LHX4: variants seen among roughly 807,000 people sequenced by gnomAD.
LHX4 encodes the protein LIM/homeobox protein Lhx4.
Under a neutral mutation model 39.2 loss-of-function variants are expected in LHX4, and 16 were observed. The observed-to-expected ratio is 0.41, with a 90% CI of 0.28 to 0.62. LHX4 has a LOEUF of 0.62. LHX4 is among the 20% of genes least tolerant of loss of function. The pLI is 0.33. For missense variants in LHX4, 439 were observed against 511.9 expected (o/e 0.86, Z 1.37); for synonymous variants, 206 against 198.1 (o/e 1.04, Z -0.33).
At chr1:180,236,070 G>T (rs779600062) in intron 1 of LHX4, among the ~76,000 whole-genome samples, 1 of 152,124 alleles carries the variant, frequency 6.6e-6, no homozygotes, top group Non-Finnish European at 1.5e-5. Context: ...AAAAACAAAG[G>T]GGGGTTAAGG....
At position 180,278,002 on chromosome 1, in the gene LHX4, G is replaced by A. The variant is rs1006695596; in HGVS notation, c.*3423G>A. The A allele has an allele frequency of 4.6e-5, 7 of 152,208 alleles. No homozygotes were observed. Among genetic ancestry groups the A allele is most frequent in the Admixed American group, 4.6e-4 (7 of 15,286 alleles). The allele number at this position is 152,208 out of a possible 1,614,324, so 9.4% of individuals were successfully genotyped here. On this transcript the variant is annotated 3_prime_UTR_variant, in exon 6 of 6. Transcript: ENST00000263726. ...AACAAAAGACATTCCTATCTCAGAA[G>A]CTCAAACTGGTGATTTCCAACTGCC...
intron 5 of LHX4, chr1:180,273,291 A>G (rs145551067): frequency 0.018 from 2,790 of 152,484 alleles, 30 homozygotes; most frequent in Non-Finnish European, 0.025. Context: ...CTCTGAGAAC[A>G]CAGGGCCCGT....
chr1:180,234,214 T>C lies in LHX4; in HGVS notation c.76+3609T>C, dbSNP rs1202463277. ...ATATATATATATATATATATATATATATATATAATAGATTGAGATTCTATC... is the reference window on the plus strand; with the variant it reads ...ATATATATATATATATATATATATACATATATAATAGATTGAGATTCTATC... On this transcript the variant is annotated intron_variant, in intron 1 of 5. Coordinates refer to ENST00000263726, the MANE Select transcript of LHX4 (RefSeq NM_033343.4). The surrounding 1 kb of genome is among the most constrained non-coding windows in gnomAD (Gnocchi z 4.8). 1.3e-5 allele frequency among the ~76,000 whole-genome samples: 1 copy of C among 74,474 alleles called. No individual in the cohort carries two copies. Among genetic ancestry groups the C allele is most frequent in the Non-Finnish European group, 2.5e-5 (1 of 40,290 alleles). The allele number at this position is 74,474 out of a possible 152,430, so 48.9% of individuals were successfully genotyped here. A position where few individuals can be genotyped will look rare whatever the true frequency, so the allele number is the denominator to read the frequency against.
At chr1:180,233,928 C>G (rs1664240912) in intron 1 of LHX4, among the ~76,000 whole-genome samples, 1 of 151,644 alleles carries the variant, frequency 6.6e-6, no homozygotes, top group Non-Finnish European at 1.5e-5. Context: ...AAGGTTTTCC[C>G]TGGGACTTCC....
intron 1 of LHX4, among the ~76,000 whole-genome samples, chr1:180,236,659 A>G (rs1174270482): frequency 2.6e-5 from 4 of 152,126 alleles, no homozygotes; most frequent in African/African-American, 9.7e-5. Flanking sequence ...TCCTCTTCCT[A>G]TTGAAGAGTT....
At chr1:180,241,392 A>G (rs911762813) in intron 1 of LHX4, among the ~76,000 whole-genome samples, 13 of 152,178 alleles carry the variant, frequency 8.5e-5, no homozygotes, top group African/African-American at 2.9e-4. Context: ...GTATATTGGG[A>G]AATAATGAAG....
At chr1:180,267,720 AAATT>A (rs1229987366) in intron 3 of LHX4, among the ~76,000 whole-genome samples, 2 of 152,238 alleles carry the variant, frequency 1.3e-5, no homozygotes, top group African/African-American at 4.8e-5. Context: ...ATGAGAAAAA[AAATT>A]AACAACAATT....
At chr1:180,244,410 C>T (rs12134787) in intron 1 of LHX4, among the ~76,000 whole-genome samples, 27,916 of 152,012 alleles carry the variant, frequency 0.18, 2,669 homozygotes, top group African/African-American at 0.21. Flanking sequence ...TTCCTCCAAG[C>T]TCGAGGCTGA....
In LHX4 at chr1:180,234,174, T is replaced by TA. The variant is rs1489766386; in HGVS notation, c.76+3570dup. ...ACACACACAACACACACAAATTATA[T>TA]ATATATATATATATATATATATATA... On this transcript the variant is annotated intron_variant, in intron 1 of 5. Transcript: ENST00000263726. The surrounding 1 kb of genome is among the most constrained non-coding windows in gnomAD (Gnocchi z 4.8). Among the ~76,000 whole-genome samples, 1 of 10,866 alleles carries TA rather than the reference T, an allele frequency of 9.2e-5. No individual in the cohort carries two copies. Among genetic ancestry groups the TA allele is most frequent in the East Asian group, 2.6e-3 (1 of 384 alleles). 7.1% of individuals were successfully genotyped at this position (10,866 alleles called of 152,430 possible). A position where few individuals can be genotyped will look rare whatever the true frequency, so the allele number is the denominator to read the frequency against.
At position 180,247,421 on chromosome 1, in the gene LHX4, T is replaced by G. The variant is rs143284196; in HGVS notation, c.77-864T>G. 8.3e-3 allele frequency among the ~76,000 whole-genome samples: 1,271 copies of G among 152,276 alleles called. 21 individuals carry two copies. Among genetic ancestry groups the G allele is most frequent in the African/African-American group, 0.03 (1,229 of 41,552 alleles). ...CCAGGATAACTCTCAGCCCCCAGAATTTCACTGCTTCTGCTGTGACTGATC... is the reference window on the plus strand; with the variant it reads ...CCAGGATAACTCTCAGCCCCCAGAAGTTCACTGCTTCTGCTGTGACTGATC... On this transcript the variant is annotated intron_variant, in intron 1 of 5. Coordinates refer to ENST00000263726, the MANE Select transcript of LHX4 (RefSeq NM_033343.4).
intron 2 of LHX4, among the ~76,000 whole-genome samples, chr1:180,258,699 G>C (rs1424870436): frequency 2.0e-5 from 3 of 152,168 alleles, no homozygotes; most frequent in African/African-American, 7.2e-5. Flanking sequence ...ACCTACGCAG[G>C]AGGCTGAGGC....
upstream of LHX4, among the ~76,000 whole-genome samples, chr1:180,229,716 C>A (rs999081899): frequency 2.0e-5 from 3 of 151,836 alleles, no homozygotes; most frequent in Non-Finnish European, 4.4e-5. Flanking sequence ...GAAGACACAG[C>A]GACGCAGCCC....
intron 5 of LHX4, chr1:180,273,602 T>C: frequency 6.5e-6 from 1 of 152,696 alleles, no homozygotes; most frequent in Non-Finnish European, 1.5e-5. Context: ...TCATTTGCCT[T>C]AATCAAGTCA....
At chr1:180,268,865 G>A (rs1648453252) in intron 3 of LHX4, among the ~76,000 whole-genome samples, 2 of 152,246 alleles carry the variant, frequency 1.3e-5, no homozygotes, top group Admixed American at 1.3e-4. Context: ...AGAATGCCTG[G>A]CTGTCTTTTC....
intron 1 of LHX4, among the ~76,000 whole-genome samples, chr1:180,246,281 C>T (rs1380330779): frequency 6.6e-6 from 1 of 152,124 alleles, no homozygotes; most frequent in Non-Finnish European, 1.5e-5. Context: ...TAAGTACAAA[C>T]GTCTTAATAG....
rs560294210 is a variant in LHX4, at chr1:180,259,949, G to A, written c.249-6443G>A. Among the ~76,000 whole-genome samples, 73 of 151,718 alleles carry A rather than the reference G, an allele frequency of 4.8e-4. 1 individual carries two copies. The highest frequency in any genetic ancestry group is 8.3e-4 in the South Asian group (4 of 4,824). ...AACAACAAGGTCTGGGGGAGTGAGC[G>A]GTGGGAGGGAGGGTAGAGGCCACAG... On this transcript the variant is annotated intron_variant, in intron 2 of 5. Coordinates refer to ENST00000263726, the MANE Select transcript of LHX4 (RefSeq NM_033343.4).
chr1:180,262,950 C>G (rs1450053289), intron 2 of LHX4, among the ~76,000 whole-genome samples: 1 of 152,186 alleles, frequency 6.6e-6, no homozygotes, highest in South Asian at 2.1e-4. Context: ...GGTTTTGGAT[C>G]AGCTCCAGCT....
chr1:180,232,502 G>C lies in LHX4; in HGVS notation c.76+1897G>C, dbSNP rs1177928388. 2.0e-4 allele frequency among the ~76,000 whole-genome samples: 30 copies of C among 152,182 alleles called. 1 individual carries two copies. Among genetic ancestry groups the C allele is most frequent in the Admixed American group, 2.0e-3 (30 of 15,282 alleles). ...TAGGTTCACACTGTGGAAAACTTGA[G>C]GTGTACAAAGGAACTTCCACACCCA... On this transcript the variant is annotated intron_variant, in intron 1 of 5. Transcript: ENST00000263726. The surrounding 1 kb of genome is among the most constrained non-coding windows in gnomAD (Gnocchi z 5.4).
intron 1 of LHX4, among the ~76,000 whole-genome samples, chr1:180,231,550 G>A (rs1459577667): frequency 9.2e-6 from 1 of 108,278 alleles, no homozygotes; most frequent in Non-Finnish European, 1.8e-5. Context: ...CAGGTGCCCA[G>A]TCGTCGCGCG....
Sources: gnomAD v4.1 joint callset for allele counts (sites outside exome capture counted in the v4.1 genomes callset) on GRCh38, gnomAD v4.1.1 for gene constraint, Gnocchi (gnomAD v3.1) non-coding constraint, MANE v1.5 for transcripts, NCBI Gene and HGNC (gene_info 2026-07-23, HGNC 2026-07-21) for gene names.